ODR4: variants seen among roughly 807,000 people sequenced by gnomAD.
The protein encoded by ODR4 is odr-4 GPCR localization factor homolog, also known as protein odr-4 homolog.
ODR4 carries 47 observed loss-of-function variants against 60.2 expected under a neutral mutation model. The observed-to-expected ratio is 0.78, with a 90% CI of 0.62 to 1.00. ODR4 has a LOEUF of 1.00. Ranked by LOEUF, ODR4 falls within the 50% of genes least tolerant of loss-of-function variation. The pLI is 0.00. For synonymous variants in ODR4, 178 were observed against 175.5 expected (o/e 1.01, Z -0.11); for missense variants, 488 against 530.8 (o/e 0.92, Z 0.79).
chr1:186,430,302 G>A, the ODR4 span, among the ~76,000 whole-genome samples: 1 of 151,962 alleles, frequency 6.6e-6, no homozygotes, highest in Non-Finnish European at 1.5e-5. Flanking sequence ...CTGTACTATG[G>A]AACTTCTGAT....
At chr1:186,425,782 C>G (rs1362900604), downstream of ODR4, among the ~76,000 whole-genome samples, 1 of 152,176 alleles carries the variant, frequency 6.6e-6, no homozygotes, top group Non-Finnish European at 1.5e-5. Context: ...TATCCTAATT[C>G]TATGGTTTAC....
chr1:186,379,621 A>G (rs575854051), intron 1 of ODR4, 146 bp from the exon 2 acceptor site: 3 of 460,880 alleles, frequency 6.5e-6, no homozygotes, highest in Non-Finnish European at 1.2e-5. Flanking sequence ...CTTTGCAAGA[A>G]GGAATACACT....
intron 11 of ODR4, among the ~76,000 whole-genome samples, chr1:186,405,759 C>A (rs1325561255): frequency 2.0e-5 from 3 of 152,074 alleles, no homozygotes; most frequent in Non-Finnish European, 4.4e-5. Flanking sequence ...ACCATGTTGG[C>A]CACGTTGGTC....
At chr1:186,388,608 G>C (rs918277245) in intron 5 of ODR4, 60 bp downstream of exon 5, 2 of 954,418 alleles carry the variant, frequency 2.1e-6, no homozygotes, top group African/African-American at 3.5e-5. Flanking sequence ...ATTCTTGCAA[G>C]GTTTTTTTGC....
chr1:186,408,258 T>G (rs762281458), intron 12 of ODR4, among the ~76,000 whole-genome samples: 13 of 152,116 alleles, frequency 8.5e-5, no homozygotes, highest in Non-Finnish European at 1.5e-4. Flanking sequence ...GGTCTGTGCT[T>G]CTTTTCTAAA....
chr1:186,416,488 A>G (rs141837857), intron 12 of ODR4, among the ~76,000 whole-genome samples: 6,852 of 152,118 alleles, frequency 0.045, 502 homozygotes, highest in African/African-American at 0.16. Context: ...CCTGGCCAAC[A>G]TGGCAAAACC....
At chr1:186,392,861 G>A (rs560124762) in intron 8 of ODR4, among the ~76,000 whole-genome samples, 4 of 152,206 alleles carry the variant, frequency 2.6e-5, no homozygotes, top group South Asian at 4.2e-4. Flanking sequence ...AAAATTAGCC[G>A]GGTGTGGTGG....
chr1:186,381,659 A>T (rs1030993729), intron 2 of ODR4, among the ~76,000 whole-genome samples: 1 of 152,190 alleles, frequency 6.6e-6, no homozygotes, highest in Admixed American at 6.5e-5. Flanking sequence ...TTTATGCTGT[A>T]GTATGTATTG....
chr1:186,405,311 G>A (rs1021644938), intron 11 of ODR4, among the ~76,000 whole-genome samples: 2 of 152,148 alleles, frequency 1.3e-5, no homozygotes, highest in African/African-American at 4.8e-5. Flanking sequence ...ATACAAAAAT[G>A]TATTCTATCA....
chr1:186,413,694 G>T (rs10494588), intron 12 of ODR4, among the ~76,000 whole-genome samples: 6,879 of 152,124 alleles, frequency 0.045, 512 homozygotes, highest in African/African-American at 0.16. Flanking sequence ...AATTATAAAG[G>T]AAAAATGAGT....
At chr1:186,390,900 T>C in intron 7 of ODR4, 49 bp downstream of exon 7, 1 of 1,531,760 alleles carries the variant, frequency 6.5e-7, no homozygotes, top group Non-Finnish European at 8.9e-7. Flanking sequence ...GTGAACAATC[T>C]GCTTTTATTC....
intron 11 of ODR4, among the ~76,000 whole-genome samples, chr1:186,401,694 C>G (rs1356969077): frequency 6.6e-6 from 1 of 151,132 alleles, no homozygotes; most frequent in Non-Finnish European, 1.5e-5. Flanking sequence ...ATCCTTGAAT[C>G]TCTGGAGTAA....
At chr1:186,395,784 C>A (rs1350164461) in intron 9 of ODR4, among the ~76,000 whole-genome samples, 3 of 152,074 alleles carry the variant, frequency 2.0e-5, no homozygotes, top group Non-Finnish European at 4.4e-5. Flanking sequence ...ATTTCTGAAT[C>A]ATAGTTTATG....
intron 13 of ODR4, among the ~76,000 whole-genome samples, chr1:186,418,806 A>T (rs1256957794): frequency 6.6e-6 from 1 of 152,224 alleles, no homozygotes; most frequent in African/African-American, 2.4e-5. Context: ...AACATTTGAA[A>T]TCTAGTTTTT....
intron 4 of ODR4, among the ~76,000 whole-genome samples, chr1:186,387,450 C>G (rs1017078148): frequency 6.6e-6 from 1 of 152,176 alleles, no homozygotes; most frequent in African/African-American, 2.4e-5. Flanking sequence ...TAGAGAGATA[C>G]AGCCAGGCCC....
chr1:186,381,332 CT>C (rs752239468), intron 2 of ODR4, among the ~76,000 whole-genome samples: 347 of 144,378 alleles, frequency 2.4e-3, no homozygotes, highest in Non-Finnish European at 2.3e-3. Context: ...GGCCTTCCTT[CT>C]TTTTTTTTTT....
the ODR4 span, among the ~76,000 whole-genome samples, chr1:186,427,513 A>G: frequency 1.3e-5 from 2 of 152,156 alleles, no homozygotes; most frequent in Admixed American, 6.5e-5. Flanking sequence ...TGCTAATTCT[A>G]TCACATCTGT....
At chr1:186,415,535 A>G (rs1661532124) in intron 12 of ODR4, among the ~76,000 whole-genome samples, 1 of 152,172 alleles carries the variant, frequency 6.6e-6, no homozygotes, top group Admixed American at 6.5e-5. Context: ...CTGGAGTTCT[A>G]TAGAGTAGCA....
intron 8 of ODR4, among the ~76,000 whole-genome samples, chr1:186,393,365 A>C (rs556311339): frequency 2.5e-4 from 38 of 152,338 alleles, no homozygotes; most frequent in African/African-American, 9.1e-4. Flanking sequence ...ATTTCATCTG[A>C]TTTCCAAATT....
Sources: allele counts gnomAD v4.1 joint callset (sites outside exome capture counted in the v4.1 genomes callset), GRCh38; gene constraint gnomAD v4.1.1; transcripts MANE v1.5; gene names NCBI Gene and HGNC (gene_info 2026-07-23, HGNC 2026-07-21).